The following AK5 variants were observed in gnomAD, a reference collection of about 807,000 sequenced individuals.
AK5 encodes the protein adenylate kinase 5.
Under a neutral mutation model 69.5 loss-of-function variants are expected in AK5, and 27 were observed. That is an observed-to-expected ratio of 0.39 (90% CI 0.29 to 0.54). The LOEUF is 0.54. Among genes scored for constraint, AK5 ranks in the 20% least tolerant of loss-of-function variants. The pLI is 0.71. For missense variants in AK5, 531 were observed against 700.4 expected, an observed-to-expected ratio of 0.76 and a Z score of 2.73; for synonymous variants, 260 against 244.4, an observed-to-expected ratio of 1.06 and a Z score of -0.60.
At chr1:77,355,270 G>T (rs190740834) in intron 6 of AK5, among the ~76,000 whole-genome samples, 1 of 152,116 alleles carries the variant, frequency 6.6e-6, no homozygotes, top group Non-Finnish European at 1.5e-5. Context: ...TCATTTCATC[G>T]GTTCAATCTG....
At chr1:77,361,179 A>G (rs866433614) in intron 6 of AK5, among the ~76,000 whole-genome samples, 21 of 152,102 alleles carry the variant, frequency 1.4e-4, no homozygotes, top group African/African-American at 3.1e-4. Flanking sequence ...ATTTTCCCTG[A>G]CTACTCAAGC....
At chr1:77,473,327 C>A (rs1208759272) in intron 8 of AK5, among the ~76,000 whole-genome samples, 1 of 151,994 alleles carries the variant, frequency 6.6e-6, no homozygotes, top group Non-Finnish European at 1.5e-5. Flanking sequence ...AAGCTATCCT[C>A]CCACCTCAGC....
intron 8 of AK5, among the ~76,000 whole-genome samples, chr1:77,471,183 A>G (rs1416259005): frequency 6.6e-6 from 1 of 151,792 alleles, no homozygotes; most frequent in East Asian, 1.9e-4. Flanking sequence ...CGTTTGGCCT[A>G]GAAGACATAT....
chr1:77,416,095 C>A (rs1255135995), intron 7 of AK5, among the ~76,000 whole-genome samples: 4 of 151,856 alleles, frequency 2.6e-5, no homozygotes, highest in African/African-American at 9.7e-5. Context: ...TAAGTGCAAA[C>A]TGACCTTCAA....
intron 5 of AK5, among the ~76,000 whole-genome samples, chr1:77,337,840 G>T (rs73004429): frequency 6.6e-6 from 1 of 152,142 alleles, no homozygotes. Flanking sequence ...GCAGATTCTA[G>T]ATTCAAACTC....
chr1:77,324,934 C>CT (rs1660719784), intron 5 of AK5, among the ~76,000 whole-genome samples: 2 of 151,250 alleles, frequency 1.3e-5, no homozygotes, highest in Admixed American at 6.6e-5. Context: ...TCATCATTCT[C>CT]TATTACATCA....
chr1:77,378,986 A>G (rs1647436517), intron 6 of AK5, among the ~76,000 whole-genome samples: 1 of 152,182 alleles, frequency 6.6e-6, no homozygotes, highest in South Asian at 2.1e-4. Context: ...GAAACACACC[A>G]CAGCAGGCAC....
At chr1:77,546,266 C>T (rs1659540389) in intron 13 of AK5, among the ~76,000 whole-genome samples, 2 of 152,126 alleles carry the variant, frequency 1.3e-5, no homozygotes, top group African/African-American at 2.4e-5. Flanking sequence ...TTAGGGCACC[C>T]CCTTCACTGA....
chr1:77,554,771 A>ATTTTTT (rs1230738530), intron 13 of AK5, among the ~76,000 whole-genome samples: 5 of 119,688 alleles, frequency 4.2e-5, no homozygotes, highest in Non-Finnish European at 6.7e-5. Context: ...ATGCCCGGCT[A>ATTTTTT]TTTTTTTTTT....
At chr1:77,393,748 A>T (rs1481294561) in intron 6 of AK5, among the ~76,000 whole-genome samples, 2 of 152,168 alleles carry the variant, frequency 1.3e-5, no homozygotes, top group Non-Finnish European at 2.9e-5. Context: ...AGCTTAGAGA[A>T]TCAGTAACTC....
intron 5 of AK5, among the ~76,000 whole-genome samples, chr1:77,308,673 G>A (rs753057238): frequency 1.3e-5 from 2 of 152,054 alleles, no homozygotes; most frequent in African/African-American, 2.4e-5. Flanking sequence ...GGAGTGGGGC[G>A]AAAAGGTGGA....
At chr1:77,515,019 C>T (rs1028121562) in intron 10 of AK5, among the ~76,000 whole-genome samples, 1 of 152,202 alleles carries the variant, frequency 6.6e-6, no homozygotes, top group African/African-American at 2.4e-5. Flanking sequence ...ACCTTGTTCC[C>T]ACACTCTCCA....
chr1:77,291,018 T>C (rs1658656417), intron 2 of AK5, among the ~76,000 whole-genome samples: 1 of 152,158 alleles, frequency 6.6e-6, no homozygotes, highest in Admixed American at 6.5e-5. Flanking sequence ...GAAGAGGTGA[T>C]GTGCTTATAC....
chr1:77,462,303 A>AGATG (rs56413918), intron 8 of AK5, among the ~76,000 whole-genome samples: 23,301 of 149,960 alleles, frequency 0.16, 2,228 homozygotes, highest in East Asian at 0.2. Flanking sequence ...TTTGTTGGAT[A>AGATG]GATGGATGGA....
At chr1:77,339,501 C>G (rs1391434792) in intron 5 of AK5, among the ~76,000 whole-genome samples, 1 of 152,160 alleles carries the variant, frequency 6.6e-6, no homozygotes. Context: ...AGGCCTTAGA[C>G]CAGACAGACT....
At chr1:77,448,103 A>G (rs1208440754) in intron 8 of AK5, among the ~76,000 whole-genome samples, 3 of 152,186 alleles carry the variant, frequency 2.0e-5, no homozygotes, top group Non-Finnish European at 2.9e-5. Flanking sequence ...CAGCCTGGGC[A>G]CTGTGGACAG....
chr1:77,403,567 T>G (rs1320215343), intron 6 of AK5, among the ~76,000 whole-genome samples: 1 of 152,256 alleles, frequency 6.6e-6, no homozygotes, highest in Non-Finnish European at 1.5e-5. Flanking sequence ...CTTTCCCCAT[T>G]GCTTGTTTTT....
At chr1:77,536,243 T>C (rs1237044524) in intron 13 of AK5, among the ~76,000 whole-genome samples, 2 of 152,164 alleles carry the variant, frequency 1.3e-5, no homozygotes, top group Non-Finnish European at 2.9e-5. Flanking sequence ...GGTGTATTGC[T>C]TGAGCCCAGG....
intron 5 of AK5, among the ~76,000 whole-genome samples, chr1:77,330,852 A>G (rs149245636): frequency 6.6e-6 from 1 of 152,200 alleles, no homozygotes; most frequent in African/African-American, 2.4e-5. Flanking sequence ...AATATGGCAC[A>G]TGCCTCATTT....
Sources: gnomAD v4.1 joint callset for allele counts (sites outside exome capture counted in the v4.1 genomes callset) on GRCh38, gnomAD v4.1.1 for gene constraint, MANE v1.5 for transcripts, NCBI Gene and HGNC (gene_info 2026-07-23, HGNC 2026-07-21) for gene names.